Variants in PTPN20 observed in about 807,000 individuals in gnomAD.
PTPN20 encodes tyrosine-protein phosphatase non-receptor type 20.
PTPN20 carries 9 observed loss-of-function variants against 35.0 expected under a neutral mutation model. That is an observed-to-expected ratio of 0.26 (90% CI 0.15 to 0.45). The LOEUF (loss-of-function observed/expected upper bound fraction) is 0.45, where lower values mean the gene tolerates loss of function less well. Among genes scored for constraint, PTPN20 ranks in the 20% least tolerant of loss-of-function variants. The pLI is 1.00. For synonymous variants in PTPN20, 32 were observed against 100.2 expected (o/e 0.32, Z 4.06); for missense variants, 111 against 312.5 (o/e 0.36, Z 4.86).
chr10:46,993,478 G>T (rs978995732), intron 9 of PTPN20, among the ~76,000 whole-genome samples: 6 of 152,172 alleles, frequency 3.9e-5, no homozygotes, highest in Admixed American at 6.5e-5. Flanking sequence ...TCCAGGCAGG[G>T]CGGTGTTGCC....
chr10:46,949,278 A>G (rs1457550788), intron 5 of PTPN20, among the ~76,000 whole-genome samples: 1 of 152,164 alleles, frequency 6.6e-6, no homozygotes, highest in East Asian at 1.9e-4. Flanking sequence ...GAGTCTGTGA[A>G]TGTGTGCAAG....
intron 9 of PTPN20, among the ~76,000 whole-genome samples, chr10:46,999,481 A>G (rs1179000403): frequency 6.6e-6 from 1 of 152,182 alleles, no homozygotes; most frequent in Non-Finnish European, 1.5e-5. Context: ...ACTGGTGTCC[A>G]CACACAGTCT....
chr10:46,983,187 C>T (rs1335071332), intron 7 of PTPN20, among the ~76,000 whole-genome samples: 2 of 151,598 alleles, frequency 1.3e-5, no homozygotes, highest in African/African-American at 4.9e-5. Flanking sequence ...AGCGATTCTC[C>T]TGCCTCAGTC....
rs2057880711 is a variant in PTPN20 at position 46,991,188 on chromosome 10, CTTTGTCCTTTT to C, written c.1134+3634_1134+3644del. On this transcript the variant is annotated intron_variant, in intron 9 of 10. Transcript: ENST00000374339. ...CCCTTTGTCACTGTGTAATGCCCTA[CTTTGTCCTTTT>C]AGATCATTGTTGGTTTAAAGTCTGT... 2.7e-4 allele frequency among the ~76,000 whole-genome samples: 34 copies of C among 124,862 alleles called. 1 individual carries two copies. Among genetic ancestry groups the C allele is most frequent in the African/African-American group, 9.7e-4 (33 of 34,050 alleles). 81.9% of individuals were successfully genotyped at this position (124,862 alleles called of 152,430 possible).
chr10:46,951,245 G>T (rs2046556925), intron 5 of PTPN20, among the ~76,000 whole-genome samples: 2 of 152,088 alleles, frequency 1.3e-5, no homozygotes, highest in South Asian at 4.1e-4. Flanking sequence ...CACCCGTCTT[G>T]GTCTCCCAAA....
chr10:46,972,378 A>G (rs1244441909), intron 7 of PTPN20, among the ~76,000 whole-genome samples: 1 of 150,428 alleles, frequency 6.6e-6, no homozygotes, highest in Non-Finnish European at 1.5e-5. Flanking sequence ...TAAAACCATA[A>G]TGAGATACCA....
intron 2 of PTPN20, among the ~76,000 whole-genome samples, chr10:46,939,969 A>G (rs1188815028): frequency 6.6e-6 from 1 of 152,158 alleles, no homozygotes; most frequent in East Asian, 1.9e-4. Context: ...CATAATATTT[A>G]AGGCTCCCAT....
At chr10:46,992,268 G>T (rs1010326972) in intron 9 of PTPN20, among the ~76,000 whole-genome samples, 1 of 151,504 alleles carries the variant, frequency 6.6e-6, no homozygotes, top group African/African-American at 2.4e-5. Flanking sequence ...GACTACAAGC[G>T]CGTGCCACCA....
chr10:46,937,945 C>CT (rs2042227483), intron 2 of PTPN20, among the ~76,000 whole-genome samples: 2 of 106,036 alleles, frequency 1.9e-5, no homozygotes, highest in African/African-American at 9.5e-5. Flanking sequence ...TTTTCTTTTT[C>CT]TTTTCTTTTT....
intron 6 of PTPN20, 126 bp from the exon 7 acceptor site, chr10:46,967,831 G>C: frequency 4.2e-6 from 1 of 235,888 alleles, no homozygotes; most frequent in South Asian, 1.2e-4. Context: ...TTAAATAGCA[G>C]GTCATGTCAT....
downstream of PTPN20, among the ~76,000 whole-genome samples, chr10:47,002,821 C>T (rs1053065928): frequency 5.9e-5 from 9 of 151,732 alleles, no homozygotes; most frequent in Admixed American, 2.0e-4. Flanking sequence ...AATTTATCTT[C>T]CTTTGGACCT....
intron 2 of PTPN20, among the ~76,000 whole-genome samples, 176 bp downstream of exon 2, chr10:46,932,709 C>T (rs1439251376): frequency 0.023 from 3,540 of 151,274 alleles, 112 homozygotes; most frequent in African/African-American, 0.082. Flanking sequence ...TAAGCCATCA[C>T]GCTTAGAGTA....
chr10:46,968,561 C>T (rs2051398287), intron 7 of PTPN20, among the ~76,000 whole-genome samples: 1 of 152,242 alleles, frequency 6.6e-6, no homozygotes, highest in South Asian at 2.1e-4. Context: ...CACCTTCTGT[C>T]CTCCTCACTC....
rs936283207 is a variant in PTPN20 at position 47,001,183 on chromosome 10, C to T, written c.*442C>T. The T allele has an allele frequency of 9.9e-6, 2 of 201,202 alleles. No homozygotes were observed. The highest frequency in any genetic ancestry group is 5.3e-5 in the Admixed American group (1 of 18,962). The allele number at this position is 201,202 out of a possible 1,614,324, so 12.5% of individuals were successfully genotyped here. A position where few individuals can be genotyped will look rare whatever the true frequency, so the allele number is the denominator to read the frequency against. On this transcript the variant is annotated 3_prime_UTR_variant, in exon 11 of 11. Coordinates refer to ENST00000374339, the MANE Select transcript of PTPN20 (RefSeq NM_001042357.5). ...TGACCTCTTCCAGGCATTTTTAAGA[C>T]AGATGTCTATTCATGTTCTTTAGCT...
chr10:46,932,650 C>T, intron 2 of PTPN20, 117 bp downstream of exon 2: 1 of 1,528,226 alleles, frequency 6.5e-7, no homozygotes, highest in Non-Finnish European at 9.0e-7. Flanking sequence ...TATTCTGATC[C>T]TCTGGGTCTT....
rs1165310897 is a variant in PTPN20 at position 47,001,933 on chromosome 10, GTGTT to G, written c.*1196_*1199del. The G allele has an allele frequency of 6.6e-6, 1 of 152,082 alleles. No homozygotes were observed. Among genetic ancestry groups the G allele is most frequent in the Non-Finnish European group, 1.5e-5 (1 of 67,980 alleles). 9.4% of individuals were successfully genotyped at this position (152,082 alleles called of 1,614,324 possible). Reference sequence around the variant, plus strand: ...ATAAGCTATAAAACAATAGATATGAGTGTTTGTACAGTTTAACTCAATGGAGATC... The same window carrying G: ...ATAAGCTATAAAACAATAGATATGAGTGTACAGTTTAACTCAATGGAGATC... On this transcript the variant is annotated 3_prime_UTR_variant, in exon 11 of 11. Coordinates refer to ENST00000374339, the MANE Select transcript of PTPN20 (RefSeq NM_001042357.5).
intron 4 of PTPN20, among the ~76,000 whole-genome samples, chr10:46,945,765 A>C: frequency 6.7e-6 from 1 of 150,064 alleles, no homozygotes; most frequent in East Asian, 2.0e-4. Flanking sequence ...GTTGCAAAGG[A>C]AACAAAGTGG....
In PTPN20 at chr10:47,000,900, A is replaced by G. The variant is rs2059965845; in HGVS notation, c.*159A>G. ...TTCTAAAAGCTCCCTGAAGGGCAAT[A>G]TCATTTGGCTTGGGGTGATCAGTGT... On this transcript the variant is annotated 3_prime_UTR_variant, in exon 11 of 11. Transcript: ENST00000374339. The G allele has an allele frequency of 1.2e-6, 1 of 867,450 alleles. No individual in the cohort carries two copies. Among genetic ancestry groups the G allele is most frequent in the African/African-American group, 1.7e-5 (1 of 59,926 alleles). 53.7% of individuals were successfully genotyped at this position (867,450 alleles called of 1,614,324 possible).
At chr10:46,929,448 A>G (rs2038848856) in intron 1 of PTPN20, among the ~76,000 whole-genome samples, 1 of 151,550 alleles carries the variant, frequency 6.6e-6, no homozygotes. Context: ...ATCTTTCACA[A>G]TCTTTCCCTA....
Sources: gnomAD v4.1 joint callset for allele counts (sites outside exome capture counted in the v4.1 genomes callset) on GRCh38, gnomAD v4.1.1 for gene constraint, MANE v1.5 for transcripts, NCBI Gene and HGNC (gene_info 2026-07-23, HGNC 2026-07-21) for gene names.